PLCL1: variants seen among roughly 807,000 people sequenced by gnomAD.
PLCL1 encodes phospholipase C like 1 (inactive), also known as inactive phospholipase C-like protein 1.
In PLCL1, 41 loss-of-function variants were observed where a neutral mutation model predicts 84.4. The ratio of observed to expected loss-of-function variants is 0.49; its 90% CI spans 0.38 to 0.63. The LOEUF (loss-of-function observed/expected upper bound fraction) is 0.63. Ranked by LOEUF, PLCL1 falls within the 30% of genes least tolerant of loss-of-function variation. The pLI is 0.00. For missense variants in PLCL1, 1,206 were observed against 1,367.8 expected, an observed-to-expected ratio of 0.88 and a Z score of 1.87; for synonymous variants, 490 against 488.3, an observed-to-expected ratio of 1.00 and a Z score of -0.05.
intron 1 of PLCL1, among the ~76,000 whole-genome samples, chr2:197,870,841 G>A (rs1248858841): frequency 3.3e-5 from 5 of 152,104 alleles, no homozygotes; most frequent in Non-Finnish European, 1.5e-5. Context: ...CTTCCTTAGA[G>A]CTGAGATTCT....
chr2:198,102,045 A>G (rs1187085518), intron 4 of PLCL1, among the ~76,000 whole-genome samples: 1 of 152,072 alleles, frequency 6.6e-6, no homozygotes, highest in Non-Finnish European at 1.5e-5. Flanking sequence ...TATCCGATTT[A>G]TAGATGAGGC....
intron 1 of PLCL1, among the ~76,000 whole-genome samples, chr2:197,861,766 GA>G (rs1476299595): frequency 6.6e-6 from 1 of 152,126 alleles, no homozygotes; most frequent in Non-Finnish European, 1.5e-5. Context: ...GTATGGGGGG[GA>G]ACCCCTACCC....
At chr2:198,069,513 G>T (rs1692413023) in intron 1 of PLCL1, among the ~76,000 whole-genome samples, 1 of 152,090 alleles carries the variant, frequency 6.6e-6, no homozygotes, top group South Asian at 2.1e-4. Context: ...CACTAGAATT[G>T]AGTGTTAATA....
At chr2:197,999,979 G>A (rs1690562801) in intron 1 of PLCL1, among the ~76,000 whole-genome samples, 2 of 152,126 alleles carry the variant, frequency 1.3e-5, no homozygotes, top group South Asian at 4.1e-4. Context: ...TTTGTTTGGA[G>A]CAAATTCCTG....
intron 1 of PLCL1, among the ~76,000 whole-genome samples, chr2:197,811,359 T>C (rs1032932964): frequency 1.3e-5 from 2 of 152,228 alleles, no homozygotes; most frequent in Admixed American, 1.3e-4. Context: ...AAATTGGATT[T>C]CATTTGTAGT....
intron 5 of PLCL1, among the ~76,000 whole-genome samples, chr2:198,142,295 C>CGTTTA (rs1559119282): frequency 6.6e-6 from 1 of 151,974 alleles, no homozygotes; most frequent in African/African-American, 2.4e-5. Context: ...AACTGGTTTA[C>CGTTTA]GTTTAGTATA....
chr2:197,879,170 G>C (rs1406850572), intron 1 of PLCL1, among the ~76,000 whole-genome samples: 4 of 152,162 alleles, frequency 2.6e-5, no homozygotes, highest in Admixed American at 2.6e-4. Context: ...CTGCCTTTGA[G>C]ATTGCCTTAG....
chr2:197,965,656 C>A (rs1689714874), intron 1 of PLCL1, among the ~76,000 whole-genome samples: 1 of 151,994 alleles, frequency 6.6e-6, no homozygotes. Context: ...TGAAGTTTTA[C>A]TTCTTTTTTG....
intron 1 of PLCL1, among the ~76,000 whole-genome samples, chr2:197,808,079 C>T (rs915356410): frequency 6.6e-6 from 1 of 152,064 alleles, no homozygotes; most frequent in Non-Finnish European, 1.5e-5. Flanking sequence ...TGTTTCTTCC[C>T]CACATATAAC....
At chr2:197,867,539 A>T (rs1687573282) in intron 1 of PLCL1, among the ~76,000 whole-genome samples, 1 of 152,142 alleles carries the variant, frequency 6.6e-6, no homozygotes, top group African/African-American at 2.4e-5. Context: ...GATGAAATAG[A>T]CATAGTTTCT....
At chr2:197,853,066 T>A (rs1687269660) in intron 1 of PLCL1, among the ~76,000 whole-genome samples, 1 of 152,178 alleles carries the variant, frequency 6.6e-6, no homozygotes, top group Admixed American at 6.5e-5. Context: ...CTGCTTTCTG[T>A]CTTTATGAAT....
chr2:197,979,843 C>A (rs774779925), intron 1 of PLCL1, among the ~76,000 whole-genome samples: 16 of 152,152 alleles, frequency 1.1e-4, no homozygotes, highest in Non-Finnish European at 2.2e-4. Flanking sequence ...ATTACCTCAT[C>A]TGTGGTGCCT....
intron 1 of PLCL1, among the ~76,000 whole-genome samples, chr2:197,862,816 T>G (rs951129905): frequency 5.9e-5 from 9 of 152,144 alleles, no homozygotes; most frequent in Admixed American, 5.9e-4. Flanking sequence ...ATACCTTGAT[T>G]GTCTCAGGCC....
chr2:197,944,033 C>T (rs1689220883), intron 1 of PLCL1, among the ~76,000 whole-genome samples: 1 of 152,022 alleles, frequency 6.6e-6, no homozygotes, highest in African/African-American at 2.4e-5. Context: ...TTGGTTTATT[C>T]CTTTGTTTTG....
chr2:197,911,960 AC>A (rs1429170873), intron 1 of PLCL1, among the ~76,000 whole-genome samples: 1 of 152,200 alleles, frequency 6.6e-6, no homozygotes, highest in Non-Finnish European at 1.5e-5. Flanking sequence ...AGCCGCTACC[AC>A]TTCATACATC....
chr2:198,103,940 G>T lies in PLCL1; in HGVS notation c.3105+4G>T. 1 of 1,472,904 alleles carries T rather than the reference G, an allele frequency of 6.8e-7. No individual in the cohort carries two copies. The highest frequency in any genetic ancestry group is 9.4e-7 in the Non-Finnish European group (1 of 1,064,096). 91.2% of individuals were successfully genotyped at this position (1,472,904 alleles called of 1,614,324 possible). On this transcript the variant is annotated splice_donor_region_variant and intron_variant, in intron 5 of 5. Transcript: ENST00000428675. ...TTGGAACATTACAGTATTGAAGGTA[G>T]ATGAAACACTCAGATGTCCCCTGTG...
At chr2:197,961,540 T>C (rs1362191306) in intron 1 of PLCL1, among the ~76,000 whole-genome samples, 1 of 152,042 alleles carries the variant, frequency 6.6e-6, no homozygotes, top group African/African-American at 2.4e-5. Context: ...AATACTAGTT[T>C]TGTGCTTCCT....
rs181165415 is a variant in PLCL1, at chr2:197,892,921, G to A, written c.240+87582G>A. On this transcript the variant is annotated intron_variant, in intron 1 of 5. Transcript: ENST00000428675. The stretch of plus-strand genomic sequence containing the variant: ...GAGGCAGGAGAATCGCTTGAACCCG[G>A]GAGGGGAAGGTTGGAGTGAGCTGAG... Among the ~76,000 whole-genome samples, 93 of 152,308 alleles carry A rather than the reference G, an allele frequency of 6.1e-4. 1 individual carries two copies. Among genetic ancestry groups the A allele is most frequent in the African/African-American group, 2.2e-3 (93 of 41,562 alleles).
intron 1 of PLCL1, among the ~76,000 whole-genome samples, chr2:197,935,934 A>G (rs1689043617): frequency 6.6e-6 from 1 of 152,196 alleles, no homozygotes; most frequent in Admixed American, 6.5e-5. Context: ...GGCAGCTGTC[A>G]TTCTACTATC....
Sources: allele counts gnomAD v4.1 joint callset (sites outside exome capture counted in the v4.1 genomes callset), GRCh38; gene constraint gnomAD v4.1.1; transcripts MANE v1.5; gene names NCBI Gene and HGNC (gene_info 2026-07-23, HGNC 2026-07-21).